Variants in GPR55 observed in about 807,000 individuals in gnomAD.
GPR55 encodes G protein-coupled receptor 55.
Under a neutral mutation model 7.9 loss-of-function variants are expected in GPR55, and 6 were observed. The ratio of observed to expected loss-of-function variants is 0.76; its 90% CI spans 0.41 to 1.49. GPR55 has a LOEUF of 1.49. GPR55 is among the 40% of genes most tolerant of loss of function. GPR55 has a pLI of 0.01. For missense variants in GPR55, 376 were observed against 406.0 expected (o/e 0.93, Z 0.63); for synonymous variants, 183 against 166.8 (o/e 1.10, Z -0.75).
intron 1 of GPR55, among the ~76,000 whole-genome samples, chr2:230,918,650 C>T (rs1024982486): frequency 3.3e-5 from 5 of 152,120 alleles, no homozygotes; most frequent in African/African-American, 1.2e-4. Context: ...TATATGCAAA[C>T]ATCCTAATTA....
At chr2:230,954,142 G>C (rs1209468054) in intron 1 of GPR55, among the ~76,000 whole-genome samples, 4 of 152,232 alleles carry the variant, frequency 2.6e-5, no homozygotes, top group Non-Finnish European at 5.9e-5. Context: ...TCACAGCCCT[G>C]GCTATGCAGC....
intron 1 of GPR55, among the ~76,000 whole-genome samples, chr2:230,939,400 C>A (rs1282531355): frequency 6.6e-6 from 1 of 152,146 alleles, no homozygotes; most frequent in Non-Finnish European, 1.5e-5. Flanking sequence ...CAATGACAAG[C>A]CTTAGATGCT....
rs1319347769 is a variant in GPR55 at position 230,910,587 on chromosome 2, G to A, written c.376C>T (p.Pro126Ser). 6 of 1,613,836 alleles carry A rather than the reference G, an allele frequency of 3.7e-6. No individual in the cohort carries two copies. In the African/African-American group the frequency reaches 5.3e-5, roughly 14 times the overall value. The change falls in exon 2 of 2, where the codon CCG becomes TCG. Residue 126 changes from proline (P) to serine (S), a missense_variant. Physicochemically the swap from Pro to Ser is moderately conservative, Grantham distance 74. Coordinates refer to ENST00000650999, the MANE Select transcript of GPR55 (RefSeq NM_005683.4). This position sits in a 1 kb window ranked among gnomAD's most constrained non-coding sequence, Gnocchi z 5.4. ...SMDRFLAIRY[P>S]LLVSHLRSPR... Reference sequence around the variant, plus strand: ...GACCGGAGGTGGCTCACCAGTAGCGGGTAACGGATGGCCAAGAACCGGTCC... The same window carrying A: ...GACCGGAGGTGGCTCACCAGTAGCGAGTAACGGATGGCCAAGAACCGGTCC...
rs1039653263 is a variant in GPR55 at position 230,911,082 on chromosome 2, C to G, written c.-120G>C. On this transcript the variant is annotated 5_prime_UTR_variant, in exon 2 of 2. Coordinates refer to ENST00000650999, the MANE Select transcript of GPR55 (RefSeq NM_005683.4). ...CCCCAGCATCACACAGCAATTCATG[C>G]CCATTGAATCACAACTAGAACACAG... 4 of 993,202 alleles carry G rather than the reference C, an allele frequency of 4.0e-6. No individual in the cohort carries two copies. In the African/African-American group the frequency reaches 4.9e-5, roughly 12 times the overall value. The allele number at this position is 993,202 out of a possible 1,614,324, so 61.5% of individuals were successfully genotyped here.
chr2:230,941,172 G>A (rs1406014307), intron 1 of GPR55, among the ~76,000 whole-genome samples: 1 of 152,052 alleles, frequency 6.6e-6, no homozygotes, highest in African/African-American at 2.4e-5. Context: ...GTGCCTCCAG[G>A]CTCAGAGAGA....
intron 1 of GPR55, among the ~76,000 whole-genome samples, chr2:230,956,826 G>A (rs1045554639): frequency 2.6e-5 from 4 of 151,418 alleles, no homozygotes; most frequent in East Asian, 3.9e-4. Context: ...ACCTTTTTTC[G>A]TCTTTCATGA....
intron 1 of GPR55, among the ~76,000 whole-genome samples, chr2:230,951,893 G>A (rs987438789): frequency 2.6e-5 from 4 of 151,616 alleles, no homozygotes; most frequent in Non-Finnish European, 5.9e-5. Context: ...TGAGCAGCTG[G>A]GACTACAGGT....
chr2:230,948,838 G>T lies in GPR55; in HGVS notation c.-135+11937C>A, dbSNP rs1282308665. On this transcript the variant is annotated intron_variant, in intron 1 of 1. Transcript: ENST00000392039. ...CACGCCTGTAATCCCAGCACTTTGG[G>T]AGGCAGGGGCAGGAGGATTGCTTGA... Among the ~76,000 whole-genome samples the T allele has an allele frequency of 2.0e-5, 3 of 152,240 alleles. No homozygotes were observed. In the East Asian group the frequency reaches 5.8e-4, roughly 29 times the overall value.
chr2:230,912,402 G>A (rs1011057445), intron 1 of GPR55, among the ~76,000 whole-genome samples: 4 of 152,056 alleles, frequency 2.6e-5, no homozygotes, highest in Non-Finnish European at 5.9e-5. Context: ...TCCCATACTA[G>A]TGACCACTGC....
At chr2:230,922,697 TCCTGAGTAGATG>T (rs1362452372) in intron 1 of GPR55, among the ~76,000 whole-genome samples, 1 of 152,078 alleles carries the variant, frequency 6.6e-6, no homozygotes, top group Non-Finnish European at 1.5e-5. Flanking sequence ...TGCCTCAGGC[TCCTGAGTAGATG>T]GGATTACAGG....
chr2:230,910,087 G>T lies in GPR55; in HGVS notation c.876C>A (p.Ile292=), dbSNP rs1327853910. The T allele has an allele frequency of 6.2e-7, 1 of 1,614,144 alleles. No homozygotes were observed. Among genetic ancestry groups the T allele is most frequent in the South Asian group, 1.1e-5 (1 of 91,076 alleles). The part of the protein sequence containing the change: ...CLDVFCYYFV[I]KEFRMNIRAH... ...CCCTGATGTTCATGCGGAATTCTTT[G>T]ATGACAAAGTAGTAGCAGAAAACAT... Residue 292 remains isoleucine, a synonymous_variant, in exon 2 of 2, where the codon ATC becomes ATA. Transcript: ENST00000650999. This position sits in a 1 kb window ranked among gnomAD's most constrained non-coding sequence, Gnocchi z 5.4.
At chr2:230,915,640 G>A (rs1690694665) in intron 1 of GPR55, among the ~76,000 whole-genome samples, 3 of 152,154 alleles carry the variant, frequency 2.0e-5, no homozygotes, top group South Asian at 4.2e-4. Context: ...AAGCTATGGA[G>A]AGAGCCACTC....
At chr2:230,930,404 C>T (rs1691016257) in intron 1 of GPR55, among the ~76,000 whole-genome samples, 1 of 141,656 alleles carries the variant, frequency 7.1e-6, no homozygotes, top group South Asian at 2.3e-4. Flanking sequence ...TTCCCACCTC[C>T]CCTACACACA....
At chr2:230,912,464 C>T (rs532081747) in intron 1 of GPR55, among the ~76,000 whole-genome samples, 8 of 152,300 alleles carry the variant, frequency 5.3e-5, no homozygotes, top group Middle Eastern at 3.4e-3. Flanking sequence ...GAGTCTCACT[C>T]TGTCACCCAG....
chr2:230,919,742 A>G (rs186337123), intron 1 of GPR55, among the ~76,000 whole-genome samples: 2 of 152,182 alleles, frequency 1.3e-5, no homozygotes, highest in South Asian at 2.1e-4. Flanking sequence ...TTTTCTTCTT[A>G]TTCTTCTTTG....
intron 1 of GPR55, among the ~76,000 whole-genome samples, chr2:230,945,370 C>G (rs1368441744): frequency 9.1e-6 from 1 of 110,166 alleles, no homozygotes; most frequent in Non-Finnish European, 1.7e-5. Flanking sequence ...ATTGAGAATG[C>G]ACTCCCAATG....
intron 1 of GPR55, chr2:230,957,651 G>A: frequency 9.3e-6 from 5 of 539,898 alleles, no homozygotes; most frequent in Non-Finnish European, 1.9e-5. Flanking sequence ...AAGCTCCTAG[G>A]CATTTCAGGT....
intron 1 of GPR55, among the ~76,000 whole-genome samples, chr2:230,943,102 GAGAA>G (rs921330007): frequency 1.3e-5 from 2 of 151,534 alleles, no homozygotes; most frequent in African/African-American, 4.8e-5. Flanking sequence ...AGAGAGAGGA[GAGAA>G]AGAGAGAGAG....
At chr2:230,954,454 C>G (rs552385280) in intron 1 of GPR55, among the ~76,000 whole-genome samples, 3 of 152,304 alleles carry the variant, frequency 2.0e-5, no homozygotes, top group Admixed American at 6.5e-5. Flanking sequence ...CTGGCCGAAG[C>G]CTCCCGGCCT....
Sources: gnomAD v4.1 joint callset for allele counts (sites outside exome capture counted in the v4.1 genomes callset) on GRCh38, gnomAD v4.1.1 for gene constraint, Gnocchi (gnomAD v3.1) non-coding constraint, MANE v1.5 for transcripts, NCBI Gene and HGNC (gene_info 2026-07-23, HGNC 2026-07-21) for gene names.